The following TRIP13 variants were observed in gnomAD, a reference collection of about 807,000 sequenced individuals.
TRIP13 encodes the protein thyroid hormone receptor interactor 13, also known as pachytene checkpoint protein 2 homolog.
A neutral mutation model predicts 54.4 loss-of-function variants in TRIP13; 25 were observed. The ratio of observed to expected loss-of-function variants is 0.46; its 90% confidence interval spans 0.33 to 0.64. The LOEUF is 0.64. Ranked by LOEUF, TRIP13 falls within the 30% of genes least tolerant of loss-of-function variation. The pLI, the probability that TRIP13 is intolerant of heterozygous loss-of-function variation, is 0.02. For missense variants in TRIP13, 373 were observed against 534.2 expected, an observed-to-expected ratio of 0.70 and a Z score of 2.97; for synonymous variants, 207 against 207.8, an observed-to-expected ratio of 1.00 and a Z score of 0.03.
At chr5:901,559 T>TCCC in intron 5 of TRIP13, 128 bp downstream of exon 5, 1 of 775,926 alleles carries the variant, frequency 1.3e-6, no homozygotes, top group South Asian at 1.8e-5. Flanking sequence ...TCCTAGAATG[T>TCCC]CCCCTCTCTG....
chr5:893,134 C>G lies in TRIP13; in HGVS notation c.92+44C>G, dbSNP rs1753720529. ...ACACATCCTCTGGGCACCCACCCGC[C>G]CCGACCCCAGCGCGTGCACCGAGCC... On this transcript the variant is annotated intron_variant, in intron 1 of 12. Transcript: ENST00000166345. 5 of 1,516,574 alleles carry G rather than the reference C, an allele frequency of 3.3e-6. No individual in the cohort carries two copies. In the South Asian group the frequency reaches 3.6e-5, roughly 11 times the overall value. 93.9% of individuals were successfully genotyped at this position (1,516,574 alleles called of 1,614,324 possible).
chr5:919,177 C>T (rs568492191), downstream of TRIP13: 1 of 152,292 alleles, frequency 6.6e-6, no homozygotes, highest in African/African-American at 2.4e-5. Context: ...GTGCTGTGGA[C>T]CCCAGCTCCA....
chr5:893,194 C>A (rs1199406400), intron 1 of TRIP13, 104 bp downstream of exon 1: 12 of 1,142,568 alleles, frequency 1.1e-5, no homozygotes, highest in Non-Finnish European at 1.4e-5. Flanking sequence ...TGCGACCGAA[C>A]CCCAGGGTAC....
At position 908,025 on chromosome 5, in the gene TRIP13, AG is replaced by A. The variant is rs777285725; in HGVS notation, c.712del (p.Asp238IlefsTer2). On this transcript the variant is annotated frameshift_variant, in exon 8 of 13. Transcript: ENST00000166345. LOFTEE classifies it high-confidence loss of function. This position sits in a 1 kb window ranked among gnomAD's most constrained non-coding sequence, Gnocchi z 5.2. Reference sequence around the variant, plus strand: ...GTAACCAAGATGTTTCAGAAGATTCAGGATTTGATTGATGATAAAGACGCCC... The same window carrying A: ...GTAACCAAGATGTTTCAGAAGATTCAGATTTGATTGATGATAAAGACGCCC... ...KLVTKMFQKI[Q>X]DLIDDKDALV... The A allele has an allele frequency of 1.2e-6, 2 of 1,614,224 alleles. No homozygotes were observed. Among genetic ancestry groups the A allele is most frequent in the Non-Finnish European group, 1.7e-6 (2 of 1,180,044 alleles).
At chr5:910,617 T>C (rs1451472264) in intron 9 of TRIP13, among the ~76,000 whole-genome samples, 1 of 152,124 alleles carries the variant, frequency 6.6e-6, no homozygotes, top group Non-Finnish European at 1.5e-5. Flanking sequence ...GGGGTGTGGC[T>C]CAGGAAGAAA....
Position 914,512 on chromosome 5 carries a change from A to G in TRIP13, c.1068A>G (p.Leu356=). The part of the protein sequence containing the change: ...PRQQLLTLRE[L]EMIGFIENNV... Reference sequence around the variant, plus strand: ...AGCAGCTGCTGACCCTCCGAGAGCTAGAGATGATTGGCTTCATTGAAAACA... The same window carrying G: ...AGCAGCTGCTGACCCTCCGAGAGCTGGAGATGATTGGCTTCATTGAAAACA... Residue 356 remains leucine (L), a synonymous_variant, in exon 11 of 13, where the codon CTA becomes CTG. Transcript: ENST00000166345. 1 of 1,613,432 alleles carries G rather than the reference A, an allele frequency of 6.2e-7. No homozygotes were observed. The highest frequency in any genetic ancestry group is 8.5e-7 in the Non-Finnish European group (1 of 1,179,708).
chr5:915,834 T>G lies in TRIP13; in HGVS notation c.1134-70T>G. The stretch of plus-strand genomic sequence containing the variant: ...GTGTTCCCAGGGATGCCTCGGCCAA[T>G]GAGGAAAATTAGTCCTGAAACGTGT... On this transcript the variant is annotated intron_variant, in intron 11 of 12. Transcript: ENST00000166345. The surrounding 1 kb of genome is among the most constrained non-coding windows in gnomAD (Gnocchi z 4.2). 6.9e-5 allele frequency: 107 copies of G among 1,553,454 alleles called. No individual in the cohort carries two copies. Among genetic ancestry groups the G allele is most frequent in the Non-Finnish European group, 8.8e-5 (99 of 1,125,030 alleles).
At position 911,851 on chromosome 5, in the gene TRIP13, A is replaced by G; in HGVS notation, c.875A>G (p.Asn292Ser). ...CTTCTCGGCCACAACAGGCATTCCA[A>G]TGTTGTGATTCTGACCACTTCTAAC... ...TQIDQIKRHS[N>S]VVILTTSNIT... The change falls in exon 10 of 13, where the codon AAT becomes AGT. Residue 292 changes from asparagine (N) to serine (S), a missense_variant. Asn to Ser is a conservative substitution (Grantham distance 46). Transcript: ENST00000166345. The surrounding 1 kb of genome is among the most constrained non-coding windows in gnomAD (Gnocchi z 4.7). 1.2e-6 allele frequency: 2 copies of G among 1,608,746 alleles called. No homozygotes were observed. Among genetic ancestry groups the G allele is most frequent in the African/African-American group, 1.3e-5 (1 of 74,444 alleles).
At chr5:895,016 G>A in intron 2 of TRIP13, 64 bp downstream of exon 2, 1 of 1,506,098 alleles carries the variant, frequency 6.6e-7, no homozygotes, top group South Asian at 1.3e-5. Context: ...TATCATGAAT[G>A]TCTTGCCGTT....
intron 5 of TRIP13, among the ~76,000 whole-genome samples, chr5:903,216 G>T (rs1013710462): frequency 6.6e-6 from 1 of 152,120 alleles, no homozygotes; most frequent in Non-Finnish European, 1.5e-5. Context: ...ATTAGACCAC[G>T]GTCAGCTTGG....
At chr5:906,048 T>G (rs1167616911) in intron 6 of TRIP13, among the ~76,000 whole-genome samples, 1 of 150,858 alleles carries the variant, frequency 6.6e-6, no homozygotes, top group Non-Finnish European at 1.5e-5. Flanking sequence ...AAACCCTGTC[T>G]CTACAAAAAA....
chr5:919,081 T>G (rs1560952635), downstream of TRIP13: 1 of 152,222 alleles, frequency 6.6e-6, no homozygotes, highest in Non-Finnish European at 1.5e-5. Context: ...AAGAAAAAAT[T>G]GCCAAACCTG....
chr5:909,410 G>C (rs1192211131), intron 9 of TRIP13, among the ~76,000 whole-genome samples: 1 of 152,200 alleles, frequency 6.6e-6, no homozygotes, highest in Non-Finnish European at 1.5e-5. Context: ...ATTGTTGAGT[G>C]TGGGGTGACA....
At position 907,818 on chromosome 5, in the gene TRIP13, C is replaced by T. The variant is rs1378273409; in HGVS notation, c.673-170C>T. Among the ~76,000 whole-genome samples the T allele has an allele frequency of 6.6e-6, 1 of 152,200 alleles. No homozygotes were observed. The highest frequency in any genetic ancestry group is 2.4e-5 in the African/African-American group (1 of 41,450). Reference sequence around the variant, plus strand: ...GCAGAGGGGAAGAGTGTTAGGCTGACCTCCTCCCATGCTGCCCTAGCTTCT... The same window carrying T: ...GCAGAGGGGAAGAGTGTTAGGCTGATCTCCTCCCATGCTGCCCTAGCTTCT... On this transcript the variant is annotated intron_variant, in intron 7 of 12. Transcript: ENST00000166345. This position sits in a 1 kb window ranked among gnomAD's most constrained non-coding sequence, Gnocchi z 4.1.
Position 911,570 on chromosome 5 carries a change from C to CAA in TRIP13, c.867-259_867-258dup, listed in dbSNP as rs779893282. ...TGGGCGAAAGAGCGAGACTCTGTCT[C>CAA]AAAAAAAAAAAAAAAGGAAAGTGAG... On this transcript the variant is annotated intron_variant, in intron 9 of 12. Coordinates refer to ENST00000166345, the MANE Select transcript of TRIP13 (RefSeq NM_004237.4). The surrounding 1 kb of genome is among the most constrained non-coding windows in gnomAD (Gnocchi z 4.7). 3.3e-5 allele frequency among the ~76,000 whole-genome samples: 3 copies of CAA among 91,756 alleles called. No homozygotes were observed. The highest frequency in any genetic ancestry group is 6.8e-5 in the Non-Finnish European group (3 of 44,156). The allele number at this position is 91,756 out of a possible 152,430, so 60.2% of individuals were successfully genotyped here.
At chr5:896,849 C>A (rs577522153) in intron 3 of TRIP13, 55 bp downstream of exon 3, 12 of 1,558,156 alleles carry the variant, frequency 7.7e-6, no homozygotes. Context: ...ATTGTATACT[C>A]CATGCCATGT....
intron 12 of TRIP13, among the ~76,000 whole-genome samples, chr5:916,794 G>A (rs916565622): frequency 5.9e-5 from 9 of 152,192 alleles, no homozygotes; most frequent in African/African-American, 2.2e-4. Flanking sequence ...GGCGGGGGCG[G>A]GGGTCACGTA....
In TRIP13 at chr5:913,476, T is replaced by C. The variant is rs1754282638; in HGVS notation, c.1021-989T>C. Among the ~76,000 whole-genome samples, 1 of 152,086 alleles carries C rather than the reference T, an allele frequency of 6.6e-6. No individual in the cohort carries two copies. The highest frequency in any genetic ancestry group is 2.4e-5 in the African/African-American group (1 of 41,420). ...GTTCAAGCGATTCTCGTGCCTCAGC[T>C]TCGTGAGTAGCTGGGATTACAGGTG... On this transcript the variant is annotated intron_variant, in intron 10 of 12. Coordinates refer to ENST00000166345, the MANE Select transcript of TRIP13 (RefSeq NM_004237.4). The surrounding 1 kb of genome is among the most constrained non-coding windows in gnomAD (Gnocchi z 4.5).
downstream of TRIP13, among the ~76,000 whole-genome samples, chr5:918,641 T>TA (rs1445899992): frequency 6.6e-6 from 1 of 151,942 alleles, no homozygotes; most frequent in African/African-American, 2.4e-5. The surrounding 1 kb of genome is among the most constrained non-coding windows in gnomAD (Gnocchi z 4.3). Context: ...AAAGGGGAGT[T>TA]TATTAAGTAT....
Sources: gnomAD v4.1 joint callset for allele counts (sites outside exome capture counted in the v4.1 genomes callset) on GRCh38, gnomAD v4.1.1 for gene constraint, Gnocchi (gnomAD v3.1) non-coding constraint, MANE v1.5 for transcripts, NCBI Gene and HGNC (gene_info 2026-07-23, HGNC 2026-07-21) for gene names.